ST8SIA6: variants seen among roughly 807,000 people sequenced by gnomAD.
The protein encoded by ST8SIA6 is alpha-2,8-sialyltransferase 8F.
Under a neutral mutation model 33.6 loss-of-function variants are expected in ST8SIA6, and 39 were observed. The ratio of observed to expected loss-of-function variants is 1.16; its 90% CI spans 0.90 to 1.52. ST8SIA6 has a LOEUF of 1.52. Among genes scored for constraint, ST8SIA6 ranks in the 40% most tolerant of loss-of-function variants. ST8SIA6 has a pLI of 0.00. For missense variants in ST8SIA6, 441 were observed against 443.8 expected, an observed-to-expected ratio of 0.99 and a Z score of 0.06; for synonymous variants, 172 against 167.2, an observed-to-expected ratio of 1.03 and a Z score of -0.22.
intron 2 of ST8SIA6, among the ~76,000 whole-genome samples, chr10:17,418,590 CTTG>C (rs1372439537): frequency 1.3e-5 from 2 of 152,294 alleles, no homozygotes; most frequent in South Asian, 2.1e-4. Flanking sequence ...CTACAGGGCC[CTTG>C]TTGTTACAAG....
chr10:17,362,147 G>A (rs1849413145), intron 3 of ST8SIA6, among the ~76,000 whole-genome samples: 1 of 152,084 alleles, frequency 6.6e-6, no homozygotes, highest in African/African-American at 2.4e-5. Flanking sequence ...TGTATTAGAG[G>A]TCCAACCAAT....
intron 5 of ST8SIA6, among the ~76,000 whole-genome samples, chr10:17,329,464 G>A (rs1848230797): frequency 6.6e-6 from 1 of 152,158 alleles, no homozygotes; most frequent in African/African-American, 2.4e-5. Flanking sequence ...GGCTAGCAGA[G>A]TGACTGGCTC....
At chr10:17,364,292 G>C (rs1849490536) in intron 3 of ST8SIA6, among the ~76,000 whole-genome samples, 1 of 152,144 alleles carries the variant, frequency 6.6e-6, no homozygotes, top group Non-Finnish European at 1.5e-5. Flanking sequence ...AATATTGAAA[G>C]ACGCCAATCA....
chr10:17,428,853 G>A (rs1478404383), intron 2 of ST8SIA6, among the ~76,000 whole-genome samples: 3 of 152,148 alleles, frequency 2.0e-5, no homozygotes, highest in Non-Finnish European at 4.4e-5. Flanking sequence ...CTATGTTGCC[G>A]ACCATCTCGG....
At chr10:17,335,559 A>G (rs542735822) in intron 4 of ST8SIA6, among the ~76,000 whole-genome samples, 2 of 152,288 alleles carry the variant, frequency 1.3e-5, no homozygotes, top group East Asian at 1.9e-4. Flanking sequence ...TTAAAATAGT[A>G]TATCCTTCTT....
chr10:17,340,743 C>G (rs778175603), intron 4 of ST8SIA6, among the ~76,000 whole-genome samples: 1 of 152,240 alleles, frequency 6.6e-6, no homozygotes, highest in African/African-American at 2.4e-5. Flanking sequence ...ATCTGAGCCA[C>G]TGTATCTTAC....
intron 3 of ST8SIA6, among the ~76,000 whole-genome samples, chr10:17,369,411 T>A (rs896029483): frequency 3.3e-5 from 5 of 152,232 alleles, no homozygotes; most frequent in African/African-American, 7.2e-5. Flanking sequence ...ATTTCAAATA[T>A]CACTTCATTG....
At chr10:17,347,490 C>T (rs565237306) in intron 4 of ST8SIA6, among the ~76,000 whole-genome samples, 33 of 151,594 alleles carry the variant, frequency 2.2e-4, no homozygotes, top group Middle Eastern at 6.8e-3. Flanking sequence ...TTAATTCATG[C>T]TAAGACTTGT....
intron 2 of ST8SIA6, among the ~76,000 whole-genome samples, chr10:17,437,712 T>TTCCCTTCCTTCCCTTCCC (rs1852328998): frequency 6.8e-6 from 1 of 146,686 alleles, no homozygotes; most frequent in African/African-American, 2.6e-5. Context: ...CTTCCCTTCC[T>TTCCCTTCCTTCCCTTCCC]TCCCTTCCCT....
chr10:17,353,279 T>C (rs78194142), intron 4 of ST8SIA6, among the ~76,000 whole-genome samples: 2 of 152,204 alleles, frequency 1.3e-5, no homozygotes, highest in African/African-American at 4.8e-5. Context: ...GTGGTAAAAC[T>C]AAGTGTGATT....
intron 4 of ST8SIA6, among the ~76,000 whole-genome samples, chr10:17,346,873 GTATC>G (rs1006630480): frequency 2.6e-4 from 39 of 152,158 alleles, no homozygotes; most frequent in African/African-American, 8.9e-4. Context: ...ATGTATTTAT[GTATC>G]TATCTATCGA....
chr10:17,412,242 C>G (rs951989754), intron 2 of ST8SIA6, among the ~76,000 whole-genome samples: 1 of 152,080 alleles, frequency 6.6e-6, no homozygotes, highest in Non-Finnish European at 1.5e-5. Context: ...CTAGCCTATC[C>G]CTCATCCCAG....
intron 2 of ST8SIA6, chr10:17,409,271 C>G (rs746568): frequency 0.6 from 91,056 of 152,544 alleles, 28,853 homozygotes; most frequent in African/African-American, 0.8. Context: ...TTACAATCTG[C>G]AAGTCTATAG....
chr10:17,329,267 G>C (rs1848225936), intron 5 of ST8SIA6, among the ~76,000 whole-genome samples: 1 of 152,156 alleles, frequency 6.6e-6, no homozygotes, highest in African/African-American at 2.4e-5. Context: ...TTTTACAGAT[G>C]CGAAAATGGA....
intron 4 of ST8SIA6, among the ~76,000 whole-genome samples, chr10:17,349,338 C>G (rs17136472): frequency 0.21 from 32,293 of 152,118 alleles, 3,568 homozygotes; most frequent in African/African-American, 0.27. Flanking sequence ...TGCTCCATCA[C>G]AGACTTGCTG....
intron 2 of ST8SIA6, among the ~76,000 whole-genome samples, chr10:17,409,100 G>A (rs1055127574): frequency 1.3e-5 from 2 of 152,086 alleles, no homozygotes; most frequent in African/African-American, 2.4e-5. Flanking sequence ...GAATTTTAAT[G>A]GGAAAATACC....
At chr10:17,429,566 C>T (rs1852038550) in intron 2 of ST8SIA6, among the ~76,000 whole-genome samples, 1 of 152,028 alleles carries the variant, frequency 6.6e-6, no homozygotes, top group Non-Finnish European at 1.5e-5. Context: ...ATCTTCAACT[C>T]CCACCTCCCG....
chr10:17,321,584 G>T (rs1847951069), intron 7 of ST8SIA6, among the ~76,000 whole-genome samples: 1 of 151,970 alleles, frequency 6.6e-6, no homozygotes, highest in Non-Finnish European at 1.5e-5. Flanking sequence ...TTCTTACTGG[G>T]CTATAGCCTT....
chr10:17,390,451 G>T, intron 3 of ST8SIA6, 80 bp downstream of exon 3: 1 of 1,205,238 alleles, frequency 8.3e-7, no homozygotes, highest in Non-Finnish European at 1.2e-6. Flanking sequence ...TATTCCAAAT[G>T]ACTTCAGAGA....
Sources: allele counts gnomAD v4.1 joint callset (sites outside exome capture counted in the v4.1 genomes callset), GRCh38; gene constraint gnomAD v4.1.1; transcripts MANE v1.5; gene names NCBI Gene and HGNC (gene_info 2026-07-23, HGNC 2026-07-21).